The following ARHGAP42 variants were observed in gnomAD, a reference collection of about 807,000 sequenced individuals.
The protein encoded by ARHGAP42 is Rho GTPase activating protein 42.
Under a neutral mutation model 125.0 loss-of-function variants are expected in ARHGAP42, and 63 were observed. The ratio of observed to expected loss-of-function variants is 0.50; its 90% CI spans 0.41 to 0.62. The LOEUF (loss-of-function observed/expected upper bound fraction) is 0.62. Among genes scored for constraint, ARHGAP42 ranks in the 20% least tolerant of loss-of-function variants. The pLI, the probability that ARHGAP42 is intolerant of heterozygous loss-of-function variation, is 0.00. For missense variants in ARHGAP42, 766 were observed against 1,024.2 expected (o/e 0.75, Z 3.44); for synonymous variants, 339 against 351.0 (o/e 0.97, Z 0.38).
At chr11:100,948,436 A>G in intron 10 of ARHGAP42, 21 bp from the exon 11 acceptor site, 1 of 1,488,564 alleles carries the variant, frequency 6.7e-7, no homozygotes, top group Non-Finnish European at 9.0e-7. Flanking sequence ...GTAAATATAG[A>G]AAATATTTGT....
At chr11:100,782,086 T>C (rs1030245949) in intron 2 of ARHGAP42, among the ~76,000 whole-genome samples, 1 of 152,190 alleles carries the variant, frequency 6.6e-6, no homozygotes, top group Non-Finnish European at 1.5e-5. Context: ...TATGTGATAT[T>C]GAAGAAAACC....
At chr11:100,817,110 G>A (rs1456922771) in intron 3 of ARHGAP42, among the ~76,000 whole-genome samples, 1 of 152,172 alleles carries the variant, frequency 6.6e-6, no homozygotes, top group African/African-American at 2.4e-5. Flanking sequence ...AGAGGACAGG[G>A]GGTTTCTCCA....
intron 3 of ARHGAP42, among the ~76,000 whole-genome samples, chr11:100,849,033 G>A (rs1485780592): frequency 6.6e-6 from 1 of 152,184 alleles, no homozygotes; most frequent in Admixed American, 6.5e-5. Context: ...CAGCCTCATA[G>A]CCAATTCTAT....
At chr11:100,897,153 T>A (rs1376610917) in intron 4 of ARHGAP42, among the ~76,000 whole-genome samples, 1 of 152,182 alleles carries the variant, frequency 6.6e-6, no homozygotes, top group Non-Finnish European at 1.5e-5. Flanking sequence ...TGGTTGTAGA[T>A]GTGTGGTGTT....
At chr11:100,751,886 T>A (rs1862468606) in intron 1 of ARHGAP42, among the ~76,000 whole-genome samples, 1 of 148,180 alleles carries the variant, frequency 6.7e-6, no homozygotes, top group Non-Finnish European at 1.5e-5. Context: ...TTCAAGCAAT[T>A]CTCCTGCCTC....
chr11:100,895,602 C>G (rs1018124039), intron 4 of ARHGAP42, among the ~76,000 whole-genome samples: 6 of 150,576 alleles, frequency 4.0e-5, no homozygotes, highest in African/African-American at 1.5e-4. Context: ...GTTCTTCCAG[C>G]TGGAGGGAAG....
At chr11:100,917,133 A>C (rs1301885383) in intron 5 of ARHGAP42, among the ~76,000 whole-genome samples, 1 of 152,098 alleles carries the variant, frequency 6.6e-6, no homozygotes, top group Non-Finnish European at 1.5e-5. Context: ...ATAATAAATA[A>C]GCTTACAATA....
chr11:100,869,928 A>G (rs1276609989), intron 4 of ARHGAP42, among the ~76,000 whole-genome samples: 3 of 152,160 alleles, frequency 2.0e-5, no homozygotes, highest in Non-Finnish European at 4.4e-5. Context: ...GTATTTTTCC[A>G]AAAGATCTTC....
intron 1 of ARHGAP42, among the ~76,000 whole-genome samples, chr11:100,704,675 G>C (rs922913812): frequency 6.6e-6 from 1 of 151,858 alleles, no homozygotes; most frequent in African/African-American, 2.4e-5. Context: ...CTCAGGTCAG[G>C]TATGGTGGCT....
chr11:100,863,228 A>G (rs530876532), intron 4 of ARHGAP42, among the ~76,000 whole-genome samples: 1 of 152,268 alleles, frequency 6.6e-6, no homozygotes, highest in East Asian at 1.9e-4. Context: ...TGTGGTGCAT[A>G]AAGTTAATTC....
chr11:100,757,005 A>G (rs1383899770), intron 1 of ARHGAP42, among the ~76,000 whole-genome samples: 1 of 152,226 alleles, frequency 6.6e-6, no homozygotes, highest in Non-Finnish European at 1.5e-5. Flanking sequence ...CATAAGATGC[A>G]TATCTTCTTT....
chr11:100,872,673 A>AT (rs942939238), intron 4 of ARHGAP42, among the ~76,000 whole-genome samples: 12 of 151,784 alleles, frequency 7.9e-5, no homozygotes, highest in South Asian at 2.1e-4. Context: ...GATTAATGAG[A>AT]TTTTTTTTAG....
chr11:100,843,673 C>G (rs1299450816), intron 3 of ARHGAP42, among the ~76,000 whole-genome samples: 1 of 151,828 alleles, frequency 6.6e-6, no homozygotes, highest in Admixed American at 6.6e-5. Context: ...CCAAGCTGAG[C>G]ATCAAATCAA....
At chr11:100,945,333 C>CG (rs1867986939) in intron 10 of ARHGAP42, among the ~76,000 whole-genome samples, 1 of 32,612 alleles carries the variant, frequency 3.1e-5, no homozygotes, top group Non-Finnish European at 5.9e-5. Flanking sequence ...GAGTTGGAAT[C>CG]AATTCTTTCA....
intron 3 of ARHGAP42, among the ~76,000 whole-genome samples, chr11:100,810,181 G>A (rs1258664783): frequency 6.6e-6 from 1 of 151,898 alleles, no homozygotes; most frequent in Non-Finnish European, 1.5e-5. Flanking sequence ...GGATGTGCAG[G>A]ACTTACATGT....
rs114403552 is a variant in ARHGAP42, at chr11:100,792,007, G to A, written c.251-3098G>A. On this transcript the variant is annotated intron_variant, in intron 2 of 23. Coordinates refer to ENST00000298815, the MANE Select transcript of ARHGAP42 (RefSeq NM_152432.4). The stretch of plus-strand genomic sequence containing the variant: ...AAAATCTGATTTAAGACAACTTCAC[G>A]ATTTGCTCTTGAGGTAGGAGGTACC... 3.6e-3 allele frequency among the ~76,000 whole-genome samples: 553 copies of A among 152,240 alleles called. 3 individuals carry two copies. The highest frequency in any genetic ancestry group is 0.027 in the Middle Eastern group (8 of 294).
chr11:100,829,487 T>C (rs1422442339), intron 3 of ARHGAP42, among the ~76,000 whole-genome samples: 1 of 152,150 alleles, frequency 6.6e-6, no homozygotes, highest in Non-Finnish European at 1.5e-5. Context: ...GCAGCTCTAG[T>C]AGTGCTGACC....
chr11:100,760,239 C>T (rs1862670976), intron 1 of ARHGAP42, among the ~76,000 whole-genome samples: 1 of 152,100 alleles, frequency 6.6e-6, no homozygotes, highest in South Asian at 2.1e-4. Flanking sequence ...TTCTGACGTG[C>T]ACAATGACTT....
chr11:100,863,311 C>T (rs1367565250), intron 4 of ARHGAP42, among the ~76,000 whole-genome samples: 1 of 152,120 alleles, frequency 6.6e-6, no homozygotes, highest in Non-Finnish European at 1.5e-5. Flanking sequence ...GCTGATTAGC[C>T]AGCTGGAAGG....
Sources: allele counts gnomAD v4.1 joint callset (sites outside exome capture counted in the v4.1 genomes callset), GRCh38; gene constraint gnomAD v4.1.1; transcripts MANE v1.5; gene names NCBI Gene and HGNC (gene_info 2026-07-23, HGNC 2026-07-21).